NELL1: variants seen among roughly 807,000 people sequenced by gnomAD.
NELL1 encodes the protein neural EGFL like 1, also known as protein kinase C-binding protein NELL1.
A neutral mutation model predicts 107.4 loss-of-function variants in NELL1; 76 were observed. The ratio of observed to expected loss-of-function variants is 0.71; its 90% CI spans 0.59 to 0.86. The LOEUF (loss-of-function observed/expected upper bound fraction) is 0.86. Ranked by LOEUF, NELL1 falls within the 40% of genes least tolerant of loss-of-function variation. NELL1 has a pLI of 0.00. For synonymous variants in NELL1, 353 were observed against 341.2 expected (o/e 1.03, Z -0.38); for missense variants, 1,024 against 1,005.5 (o/e 1.02, Z -0.25).
At chr11:20,820,225 G>A (rs77023367) in intron 3 of NELL1, among the ~76,000 whole-genome samples, 2 of 152,300 alleles carry the variant, frequency 1.3e-5, no homozygotes, top group Non-Finnish European at 2.9e-5. Flanking sequence ...GTAACCACAG[G>A]TATATACAGA....
chr11:21,043,352 G>A (rs1302920380), intron 12 of NELL1, among the ~76,000 whole-genome samples: 1 of 152,028 alleles, frequency 6.6e-6, no homozygotes, highest in Non-Finnish European at 1.5e-5. Flanking sequence ...GAAACAAATG[G>A]ACAGATTTTA....
intron 13 of NELL1, among the ~76,000 whole-genome samples, chr11:21,169,266 C>T (rs1590700402): frequency 6.6e-6 from 1 of 151,792 alleles, no homozygotes; most frequent in African/African-American, 2.4e-5. Context: ...ACAGGGTACT[C>T]TCCTGTTTTA....
chr11:21,271,315 G>A (rs943183373), intron 14 of NELL1, among the ~76,000 whole-genome samples: 4 of 152,164 alleles, frequency 2.6e-5, no homozygotes, highest in African/African-American at 9.7e-5. Flanking sequence ...TATCACTGTA[G>A]TCTCATGGAC....
chr11:21,528,539 A>G (rs1293882514), intron 15 of NELL1, among the ~76,000 whole-genome samples: 1 of 119,248 alleles, frequency 8.4e-6, no homozygotes, highest in Non-Finnish European at 1.6e-5. Context: ...TTTTTCCACA[A>G]TGACTTGAAG....
chr11:20,712,470 T>A (rs1011474745), intron 2 of NELL1, among the ~76,000 whole-genome samples: 2 of 152,244 alleles, frequency 1.3e-5, no homozygotes, highest in African/African-American at 4.8e-5. Flanking sequence ...CCTTCTGAAT[T>A]TATCTGACAA....
intron 2 of NELL1, among the ~76,000 whole-genome samples, chr11:20,696,512 A>G (rs1854621527): frequency 6.6e-6 from 1 of 152,088 alleles, no homozygotes; most frequent in African/African-American, 2.4e-5. Flanking sequence ...CATTATTGCC[A>G]CATTTATTTT....
chr11:21,431,015 T>G (rs186237297), intron 15 of NELL1, among the ~76,000 whole-genome samples: 2 of 152,172 alleles, frequency 1.3e-5, no homozygotes, highest in African/African-American at 4.8e-5. Flanking sequence ...AAAAAATCTT[T>G]GGGTGACTTC....
At chr11:20,795,052 A>T (rs563220544) in intron 3 of NELL1, among the ~76,000 whole-genome samples, 1 of 152,360 alleles carries the variant, frequency 6.6e-6, no homozygotes, top group South Asian at 2.1e-4. Flanking sequence ...TCTCAGGCAC[A>T]GCCATTATTG....
intron 13 of NELL1, among the ~76,000 whole-genome samples, chr11:21,152,992 C>T (rs1856152951): frequency 1.3e-5 from 2 of 152,118 alleles, no homozygotes; most frequent in South Asian, 4.1e-4. Flanking sequence ...CACCTCTTAG[C>T]ACCTAAGAAT....
At chr11:21,260,658 A>C (rs1425803121) in intron 14 of NELL1, 1 of 151,870 alleles carries the variant, frequency 6.6e-6, no homozygotes, top group African/African-American at 2.4e-5. Flanking sequence ...AGACTAATAA[A>C]TATTCAGCAG....
At chr11:21,351,938 C>T (rs904378623) in intron 14 of NELL1, among the ~76,000 whole-genome samples, 1 of 152,122 alleles carries the variant, frequency 6.6e-6, no homozygotes, top group African/African-American at 2.4e-5. Flanking sequence ...TCCTAATGAC[C>T]GTAGGAGAAC....
intron 12 of NELL1, among the ~76,000 whole-genome samples, chr11:21,024,397 G>A (rs2134307042): frequency 6.6e-6 from 1 of 152,140 alleles, no homozygotes; most frequent in African/African-American, 2.4e-5. Context: ...TTTGGCTCCT[G>A]GACTCATATG....
Position 21,156,938 on chromosome 11 carries a change from CA to C in NELL1, c.1426+43238del, listed in dbSNP as rs374536207. Among the ~76,000 whole-genome samples, 763 of 139,570 alleles carry C rather than the reference CA, an allele frequency of 5.5e-3. 3 individuals carry two copies. Among genetic ancestry groups the C allele is most frequent in the East Asian group, 0.013 (61 of 4,766 alleles). 91.6% of individuals were successfully genotyped at this position (139,570 alleles called of 152,430 possible). ...TGGAACCCCGCCTCTACTAAAAATA[CA>C]AAAAAAAAAAAAATTAGCCAGATGT... On this transcript the variant is annotated intron_variant, in intron 13 of 19. Transcript: ENST00000357134.
At chr11:20,870,251 A>G (rs4923128) in intron 4 of NELL1, among the ~76,000 whole-genome samples, 90,258 of 152,034 alleles carry the variant, frequency 0.59, 29,142 homozygotes, top group Non-Finnish European at 0.72. Context: ...TTAGAATAGC[A>G]GTCTCTAACT....
At chr11:21,050,797 A>G (rs776182800) in intron 12 of NELL1, among the ~76,000 whole-genome samples, 3 of 152,136 alleles carry the variant, frequency 2.0e-5, no homozygotes, top group Non-Finnish European at 4.4e-5. Context: ...ATTCCACCTG[A>G]TTCTGATACT....
At chr11:21,493,647 A>C (rs1029789761) in intron 15 of NELL1, among the ~76,000 whole-genome samples, 4 of 152,020 alleles carry the variant, frequency 2.6e-5, no homozygotes, top group Admixed American at 6.6e-5. Context: ...GAATACAAAC[A>C]TATAGTTACG....
chr11:21,561,538 A>G (rs986793724), intron 17 of NELL1, among the ~76,000 whole-genome samples: 12 of 152,214 alleles, frequency 7.9e-5, no homozygotes, highest in Middle Eastern at 6.8e-3. Context: ...CTGAATTTCC[A>G]TGGGATAAAG....
At chr11:21,440,484 C>T (rs896940813) in intron 15 of NELL1, among the ~76,000 whole-genome samples, 4 of 151,808 alleles carry the variant, frequency 2.6e-5, no homozygotes, top group Non-Finnish European at 5.9e-5. Context: ...ATTTATATTC[C>T]GTGAAGTCAG....
Position 21,094,023 on chromosome 11 carries a change from T to C in NELL1, c.1301-19566T>C, listed in dbSNP as rs552324891. The stretch of plus-strand genomic sequence containing the variant: ...TAACTCAAAAGTCCACAGTCGAAAG[T>C]CTCATCTGAGACAAGACAAGTCCTT... On this transcript the variant is annotated intron_variant, in intron 12 of 19. Coordinates refer to ENST00000357134, the MANE Select transcript of NELL1 (RefSeq NM_006157.5). Among the ~76,000 whole-genome samples, 5 of 152,260 alleles carry C rather than the reference T, an allele frequency of 3.3e-5. No individual in the cohort carries two copies. In the South Asian group the frequency reaches 8.3e-4, roughly 25 times the overall value.
Sources: allele counts gnomAD v4.1 joint callset (sites outside exome capture counted in the v4.1 genomes callset), GRCh38; gene constraint gnomAD v4.1.1; transcripts MANE v1.5; gene names NCBI Gene and HGNC (gene_info 2026-07-23, HGNC 2026-07-21).